The following OVOL2 variants were observed in gnomAD, a reference collection of about 807,000 sequenced individuals.
The protein encoded by OVOL2 is transcription factor Ovo-like 2.
OVOL2 carries 13 observed loss-of-function variants against 18.1 expected under a neutral mutation model. That is an observed-to-expected ratio of 0.72 (90% CI 0.47 to 1.14). The LOEUF is 1.14. Ranked by LOEUF, OVOL2 falls within the 50% of genes most tolerant of loss-of-function variation. OVOL2 has a pLI of 0.00. For missense variants in OVOL2, 335 were observed against 383.0 expected (o/e 0.87, Z 1.05); for synonymous variants, 166 against 162.7 (o/e 1.02, Z -0.16).
chr20:18,041,677 A>T lies in OVOL2; in HGVS notation c.368T>A (p.Leu123Gln), dbSNP rs151050111. The change falls in exon 3 of 4, where the codon CTG becomes CAG. Residue 123 changes from leucine to glutamine, a missense_variant. Transcript: ENST00000278780. ...CSDSVVHSCD[L>Q]CGKGFRLQRM... ...CTGCAGACGGAAGCCCTTGCCACAC[A>T]GGTCACAGCTGTGAACCACCGAGTC... is the stretch of plus-strand genomic sequence containing the variant. 1.2e-6 allele frequency: 2 copies of T among 1,613,902 alleles called. No individual in the cohort carries two copies. Among genetic ancestry groups the T allele is most frequent in the Non-Finnish European group, 8.5e-7 (1 of 1,179,912 alleles).
Position 18,056,892 on chromosome 20 carries a change from G to T in OVOL2, c.101-15C>A. ...GCCTAGGCCCACTGTGGAGGGAGGG[G>T]CCGCGCCCCGACACACACACTCGGC... is the stretch of plus-strand genomic sequence containing the variant. On this transcript the variant is annotated splice_polypyrimidine_tract_variant and intron_variant, in intron 1 of 3. Coordinates refer to ENST00000278780, the MANE Select transcript of OVOL2 (RefSeq NM_021220.4). This position sits in a 1 kb window ranked among gnomAD's most constrained non-coding sequence, Gnocchi z 4.2. The T allele has an allele frequency of 6.8e-7, 1 of 1,477,260 alleles. No individual in the cohort carries two copies. Among genetic ancestry groups the T allele is most frequent in the Non-Finnish European group, 8.9e-7 (1 of 1,122,124 alleles). The allele number at this position is 1,477,260 out of a possible 1,614,324, so 91.5% of individuals were successfully genotyped here.
Position 18,030,207 on chromosome 20 carries a change from G to C in OVOL2, c.512-5255C>G, listed in dbSNP as rs543601379. ...GTTTGCACTGTAATGCAGACTTTGT[G>C]TTTTCCCGGCCTTCTGGGCCCATGC... On this transcript the variant is annotated intron_variant, in intron 3 of 3. Transcript: ENST00000278780. 2.2e-4 allele frequency among the ~76,000 whole-genome samples: 34 copies of C among 152,264 alleles called. No homozygotes were observed. In the South Asian group the frequency reaches 2.3e-3, roughly 10 times the overall value.
rs2036487529 is a variant in OVOL2, at chr20:18,024,294, C to T, written c.*342G>A. On this transcript the variant is annotated 3_prime_UTR_variant, in exon 4 of 4. Coordinates refer to ENST00000278780, the MANE Select transcript of OVOL2 (RefSeq NM_021220.4). The stretch of plus-strand genomic sequence containing the variant: ...TAGAAGTATTTTTATTTCAAGGCAC[C>T]ATAAAATGATGATCTCTCTAAGAAA... 4.9e-6 allele frequency: 1 copy of T among 202,588 alleles called. No individual in the cohort carries two copies. The highest frequency in any genetic ancestry group is 9.9e-6 in the Non-Finnish European group (1 of 101,148). 12.5% of individuals were successfully genotyped at this position (202,588 alleles called of 1,614,324 possible). A position where few individuals can be genotyped will look rare whatever the true frequency, so the allele number is the denominator to read the frequency against.
chr20:18,056,877 A>G lies in OVOL2; in HGVS notation c.101T>C (p.Val34Ala), dbSNP rs762355124. Reference sequence around the variant, plus strand: ...GTCGTGGAGCAGGCGGCCTAGGCCCACTGTGGAGGGAGGGGCCGCGCCCCG... The same window carrying G: ...GTCGTGGAGCAGGCGGCCTAGGCCCGCTGTGGAGGGAGGGGCCGCGCCCCG... Reference protein sequence around the residue: ...DEKRADTYIPVGLGRLLHDPP... With the variant: ...DEKRADTYIPAGLGRLLHDPP... Residue 34 changes from valine to alanine, a missense_variant and splice_region_variant, in exon 2 of 4, where the codon GTG (valine) becomes GCG (alanine). Val to Ala is a moderately conservative substitution (Grantham distance 64). Coordinates refer to ENST00000278780, the MANE Select transcript of OVOL2 (RefSeq NM_021220.4). The surrounding 1 kb of genome is among the most constrained non-coding windows in gnomAD (Gnocchi z 4.2). The G allele has an allele frequency of 2.0e-5, 29 of 1,483,576 alleles. 1 individual carries two copies. Among genetic ancestry groups the G allele is most frequent in the Non-Finnish European group, 2.5e-5 (28 of 1,125,230 alleles). 91.9% of individuals were successfully genotyped at this position (1,483,576 alleles called of 1,614,324 possible). A position where few individuals can be genotyped will look rare whatever the true frequency, so the allele number is the denominator to read the frequency against.
intron 3 of OVOL2, among the ~76,000 whole-genome samples, chr20:18,038,638 C>T (rs1193216092): frequency 6.6e-6 from 1 of 152,190 alleles, no homozygotes; most frequent in African/African-American, 2.4e-5. Flanking sequence ...GCTAGCCATG[C>T]TTCCTGGGCC....
intron 2 of OVOL2, among the ~76,000 whole-genome samples, chr20:18,054,005 C>A (rs1377286475): frequency 6.6e-6 from 1 of 152,196 alleles, no homozygotes; most frequent in Non-Finnish European, 1.5e-5. Flanking sequence ...CATCAGGACA[C>A]TTTCCCCACT....
intron 2 of OVOL2, among the ~76,000 whole-genome samples, chr20:18,054,611 G>A (rs780450718): frequency 1.3e-4 from 20 of 151,658 alleles, no homozygotes; most frequent in Non-Finnish European, 2.2e-4. Flanking sequence ...CGATGGTGGC[G>A]TATGCCTGTA....
chr20:18,040,587 A>ATT (rs1464463674), intron 3 of OVOL2, among the ~76,000 whole-genome samples: 8 of 152,186 alleles, frequency 5.3e-5, no homozygotes, highest in Admixed American at 5.2e-4. Flanking sequence ...AATGGAGCTC[A>ATT]GGCGGGAAAG....
chr20:18,040,403 G>A (rs1178033821), intron 3 of OVOL2, among the ~76,000 whole-genome samples: 1 of 152,132 alleles, frequency 6.6e-6, no homozygotes, highest in Non-Finnish European at 1.5e-5. Context: ...GATGGGCTGA[G>A]ATAGGATGGG....
intron 2 of OVOL2, among the ~76,000 whole-genome samples, chr20:18,047,005 A>G (rs2036728945): frequency 6.6e-6 from 1 of 152,054 alleles, no homozygotes; most frequent in Non-Finnish European, 1.5e-5. Flanking sequence ...TAACATCCCT[A>G]TGTCACAATT....
chr20:18,036,435 C>T (rs2036615583), intron 3 of OVOL2, among the ~76,000 whole-genome samples: 1 of 152,166 alleles, frequency 6.6e-6, no homozygotes, highest in Admixed American at 6.5e-5. Flanking sequence ...CCACACACAG[C>T]CAGTGGCCGC....
At chr20:18,025,621 G>A (rs566161742) in intron 3 of OVOL2, among the ~76,000 whole-genome samples, 1 of 152,284 alleles carries the variant, frequency 6.6e-6, no homozygotes, top group Admixed American at 6.5e-5. Context: ...AAAGATTCCA[G>A]TACAAGTAGT....
chr20:18,055,725 G>A (rs2036815739), intron 2 of OVOL2, among the ~76,000 whole-genome samples: 1 of 152,218 alleles, frequency 6.6e-6, no homozygotes, highest in Non-Finnish European at 1.5e-5. Flanking sequence ...TGGGTGGCAG[G>A]AGGGCACCGG....
At chr20:18,050,222 G>C (rs959017979) in intron 2 of OVOL2, among the ~76,000 whole-genome samples, 2 of 152,168 alleles carry the variant, frequency 1.3e-5, no homozygotes, top group South Asian at 2.1e-4. Flanking sequence ...ATGAGGATTT[G>C]GGAAGTAACT....
chr20:18,029,730 CA>C (rs2122690788), intron 3 of OVOL2, among the ~76,000 whole-genome samples: 1 of 152,272 alleles, frequency 6.6e-6, no homozygotes, highest in South Asian at 2.1e-4. Context: ...GTAATCCCAG[CA>C]CTTTGGGAGG....
chr20:18,048,676 C>T (rs1318052435), intron 2 of OVOL2, among the ~76,000 whole-genome samples: 1 of 152,166 alleles, frequency 6.6e-6, no homozygotes. Flanking sequence ...CACTGCATTC[C>T]AGCCCGAGTG....
In OVOL2 at chr20:18,056,742, C is replaced by T. The variant is rs990574589; in HGVS notation, c.236G>A (p.Ser79Asn). Reference protein sequence around the residue: ...ESSSSPHAPESETPEPGDAEG... With the variant: ...ESSSSPHAPENETPEPGDAEG... The stretch of plus-strand genomic sequence containing the variant: ...GGCGTCGCCGGGCTCGGGGGTTTCG[C>T]TCTCGGGGGCGTGCGGGGACGAGCT... The change falls in exon 2 of 4, where the codon AGC (serine) becomes AAC (asparagine). Residue 79 changes from serine to asparagine, a missense_variant. Coordinates refer to ENST00000278780, the MANE Select transcript of OVOL2 (RefSeq NM_021220.4). This position sits in a 1 kb window ranked among gnomAD's most constrained non-coding sequence, Gnocchi z 4.2. 5.4e-6 allele frequency: 8 copies of T among 1,489,484 alleles called. No homozygotes were observed. The highest frequency in any genetic ancestry group is 1.5e-5 in the African/African-American group (1 of 68,202). The allele number at this position is 1,489,484 out of a possible 1,614,324, so 92.3% of individuals were successfully genotyped here.
At chr20:18,043,539 C>T (rs1322868208) in intron 2 of OVOL2, among the ~76,000 whole-genome samples, 2 of 152,170 alleles carry the variant, frequency 1.3e-5, no homozygotes, top group African/African-American at 4.8e-5. Flanking sequence ...GACTCTCCAT[C>T]CCAACTCAGG....
chr20:18,048,730 A>C (rs1267674576), intron 2 of OVOL2, among the ~76,000 whole-genome samples: 3 of 152,132 alleles, frequency 2.0e-5, no homozygotes, highest in Non-Finnish European at 4.4e-5. Context: ...AAATAAAACA[A>C]AACATATGAC....
Sources: allele counts gnomAD v4.1 joint callset (sites outside exome capture counted in the v4.1 genomes callset), GRCh38; gene constraint gnomAD v4.1.1; non-coding constraint Gnocchi (gnomAD v3.1); transcripts MANE v1.5; gene names NCBI Gene and HGNC (gene_info 2026-07-23, HGNC 2026-07-21).